Variants in FER1L6 observed in about 807,000 individuals in gnomAD.
FER1L6 encodes the protein fer-1 like family member 6, also known as fer-1-like protein 6.
Under a neutral mutation model 219.2 loss-of-function variants are expected in FER1L6, and 177 were observed. The observed-to-expected ratio is 0.81, with a 90% CI of 0.71 to 0.91. The LOEUF (loss-of-function observed/expected upper bound fraction) is 0.91. FER1L6 is among the 40% of genes least tolerant of loss of function. The pLI is 0.00. For synonymous variants in FER1L6, 768 were observed against 824.3 expected, an observed-to-expected ratio of 0.93 and a Z score of 1.17; for missense variants, 2,153 against 2,259.9, an observed-to-expected ratio of 0.95 and a Z score of 0.96.
chr8:123,942,439 G>A (rs994583292), intron 1 of FER1L6, among the ~76,000 whole-genome samples: 3 of 152,220 alleles, frequency 2.0e-5, no homozygotes, highest in African/African-American at 7.2e-5. Flanking sequence ...CCTTTCCTGG[G>A]ACTGCCTTGG....
chr8:123,856,316 G>GTATATATA (rs1554608009), intron 1 of FER1L6, among the ~76,000 whole-genome samples: 920 of 45,054 alleles, frequency 0.02, 77 homozygotes, highest in Non-Finnish European at 0.026. Context: ...ATATGTATGT[G>GTATATATA]TATATATATA....
chr8:124,029,953 G>A (rs1241397532), intron 18 of FER1L6, among the ~76,000 whole-genome samples: 1 of 152,138 alleles, frequency 6.6e-6, no homozygotes, highest in Non-Finnish European at 1.5e-5. Context: ...AAGGTTTAAG[G>A]AAGGAGTCCA....
At chr8:123,872,977 C>G (rs1483580012) in intron 1 of FER1L6, among the ~76,000 whole-genome samples, 2 of 152,142 alleles carry the variant, frequency 1.3e-5, no homozygotes, top group Non-Finnish European at 2.9e-5. Flanking sequence ...AATTCATTTC[C>G]CCCATTGTCT....
rs531382357 is a variant in FER1L6 at position 124,043,833 on chromosome 8, C to T, written c.2590-1934C>T. Among the ~76,000 whole-genome samples the T allele has an allele frequency of 1.3e-4, 20 of 152,268 alleles. No homozygotes were observed. The South Asian group carries it at 3.9e-3, about 30-fold the overall frequency. ...AGAATGTATGTTTGTTTGGGTGAAC[C>T]TTTTAGTACCTCCTGGAGGTGGTCA... is the stretch of plus-strand genomic sequence containing the variant. On this transcript the variant is annotated intron_variant, in intron 20 of 40. Coordinates refer to ENST00000522917, the MANE Select transcript of FER1L6 (RefSeq NM_001039112.2).
chr8:124,097,618 C>T (rs1822362967), intron 36 of FER1L6, among the ~76,000 whole-genome samples, 167 bp from the exon 37 acceptor site: 1 of 152,102 alleles, frequency 6.6e-6, no homozygotes, highest in African/African-American at 2.4e-5. Flanking sequence ...CTAAGGTCTC[C>T]AGCTAGGATA....
intron 1 of FER1L6, among the ~76,000 whole-genome samples, chr8:123,871,106 A>T (rs907774030): frequency 6.6e-6 from 1 of 152,202 alleles, no homozygotes; most frequent in Non-Finnish European, 1.5e-5. Flanking sequence ...AAGCAAAAGG[A>T]GAAGTCTATA....
chr8:123,859,575 A>G (rs1356326352), intron 1 of FER1L6, among the ~76,000 whole-genome samples: 1 of 144,642 alleles, frequency 6.9e-6, no homozygotes, highest in Non-Finnish European at 1.5e-5. Context: ...TAATACTTTA[A>G]GTTTTAGGGT....
intron 12 of FER1L6, among the ~76,000 whole-genome samples, chr8:124,001,639 A>G (rs1817414804): frequency 1.3e-5 from 2 of 152,188 alleles, no homozygotes. Context: ...TTCCTAAGGT[A>G]AGAATAATGA....
chr8:123,900,447 G>A (rs1812836869), intron 1 of FER1L6, among the ~76,000 whole-genome samples: 1 of 152,126 alleles, frequency 6.6e-6, no homozygotes, highest in Non-Finnish European at 1.5e-5. Flanking sequence ...AACAGTGACA[G>A]TTTGACTTCC....
intron 31 of FER1L6, among the ~76,000 whole-genome samples, chr8:124,074,661 AAAAAAG>A (rs1821206824): frequency 6.6e-6 from 1 of 152,170 alleles, no homozygotes. Flanking sequence ...AAAAAAAAAA[AAAAAAG>A]AAAAAGAAGA....
rs374211449 is a variant in FER1L6 at position 124,039,894 on chromosome 8, T to G, written c.2477T>G (p.Phe826Cys). ...SNLLYQEQHV[F>C]QLRAHMYQAR... ...GATTTGTCCACAGAACAGCATGTTT[T>G]TCAGCTGAGGGCTCACATGTACCAA... The change falls in exon 20 of 41, where the codon TTT (phenylalanine) becomes TGT (cysteine). Residue 826 changes from phenylalanine (F) to cysteine (C), a missense_variant. Coordinates refer to ENST00000522917, the MANE Select transcript of FER1L6 (RefSeq NM_001039112.2). 1 of 1,614,140 alleles carries G rather than the reference T, an allele frequency of 6.2e-7. No individual in the cohort carries two copies. The highest frequency in any genetic ancestry group is 1.1e-5 in the South Asian group (1 of 91,082).
intron 1 of FER1L6, among the ~76,000 whole-genome samples, chr8:123,929,647 A>G (rs996131058): frequency 6.6e-6 from 1 of 152,066 alleles, no homozygotes; most frequent in Non-Finnish European, 1.5e-5. Flanking sequence ...TGTCATTTAT[A>G]TCCTGATTGG....
In FER1L6 at chr8:123,963,370, C is replaced by T. The variant is rs933981163; in HGVS notation, c.169C>T (p.Pro57Ser). 4.3e-6 allele frequency: 7 copies of T among 1,614,128 alleles called. No homozygotes were observed. The South Asian group carries it at 6.6e-5, about 15-fold the overall frequency. ...GGTCCATGATGATGCTTCTATCTTT[C>T]CTGTCCCCTCAGCTTCTCCAAAGAG... is the stretch of plus-strand genomic sequence containing the variant. ...DLVHDDASIFPVPSASPKRRS... is the reference protein window; with the variant it reads ...DLVHDDASIFSVPSASPKRRS... Residue 57 changes from proline (P) to serine (S), a missense_variant, in exon 3 of 41, where the codon CCT becomes TCT. Coordinates refer to ENST00000522917, the MANE Select transcript of FER1L6 (RefSeq NM_001039112.2).
chr8:123,901,885 AT>A (rs552206417), intron 1 of FER1L6, among the ~76,000 whole-genome samples: 27 of 151,540 alleles, frequency 1.8e-4, no homozygotes, highest in African/African-American at 6.5e-4. Context: ...CGCCTGGCCA[AT>A]TTTTTTGCAT....
At chr8:123,936,736 A>C (rs542504463) in intron 1 of FER1L6, among the ~76,000 whole-genome samples, 165 of 151,966 alleles carry the variant, frequency 1.1e-3, no homozygotes, top group African/African-American at 3.7e-3. Flanking sequence ...CATCTATCCC[A>C]GCTTCAAAAC....
At chr8:124,116,353 G>A (rs1311950272) in intron 39 of FER1L6, among the ~76,000 whole-genome samples, 1 of 149,926 alleles carries the variant, frequency 6.7e-6, no homozygotes, top group Non-Finnish European at 1.5e-5. Flanking sequence ...GCCAAAAAGG[G>A]TATGCATGAA....
At chr8:123,865,527 C>T (rs34208639) in intron 1 of FER1L6, among the ~76,000 whole-genome samples, 42,649 of 151,210 alleles carry the variant, frequency 0.28, 7,217 homozygotes, top group Middle Eastern at 0.39. Context: ...AGCTTCCAGG[C>T]TGCTTTGTTT....
intron 18 of FER1L6, among the ~76,000 whole-genome samples, chr8:124,024,195 C>T (rs1206341592): frequency 7.0e-6 from 1 of 142,016 alleles, no homozygotes; most frequent in East Asian, 2.0e-4. Flanking sequence ...CGTACTTGGC[C>T]ATTTTTTTTT....
At chr8:124,068,263 C>T (rs1304284206) in intron 28 of FER1L6, among the ~76,000 whole-genome samples, 3 of 152,136 alleles carry the variant, frequency 2.0e-5, no homozygotes, top group Admixed American at 6.5e-5. Flanking sequence ...ACAACTGTAA[C>T]GTTAAGCAGC....
Sources: allele counts gnomAD v4.1 joint callset (sites outside exome capture counted in the v4.1 genomes callset), GRCh38; gene constraint gnomAD v4.1.1; transcripts MANE v1.5; gene names NCBI Gene and HGNC (gene_info 2026-07-23, HGNC 2026-07-21).